The following ARHGEF9 variants were observed in gnomAD, a reference collection of about 807,000 sequenced individuals.
ARHGEF9 encodes the protein Cdc42 guanine nucleotide exchange factor 9.
A neutral mutation model predicts 41.3 loss-of-function variants in ARHGEF9; 2 were observed. The ratio of observed to expected loss-of-function variants is 0.05; its 90% confidence interval spans 0.02 to 0.15. The LOEUF is 0.15. ARHGEF9 is among the 10% of genes least tolerant of loss of function. The pLI is 1.00. For missense variants in ARHGEF9, 225 were observed against 424.7 expected (o/e 0.53, Z 4.13); for synonymous variants, 160 against 154.4 (o/e 1.04, Z -0.27).
rs190623890 is a variant in ARHGEF9 at position 63,780,674 on chromosome X, A to G, written c.30+4442T>C. On this transcript the variant is annotated intron_variant, in intron 1 of 9. Coordinates refer to ENST00000671741, the MANE Select transcript of ARHGEF9 (RefSeq NM_001353921.2). ...CTTTGGTTGGTCAAAGTTTAAAACAATTGTGGTTACTTTTAATAATATATA... is the reference window on the plus strand; with the variant it reads ...CTTTGGTTGGTCAAAGTTTAAAACAGTTGTGGTTACTTTTAATAATATATA... Among the ~76,000 whole-genome samples the G allele has an allele frequency of 2.7e-5, 3 of 112,278 alleles. No homozygotes were observed. The Admixed American group carries it at 2.8e-4, about 11-fold the overall frequency.
At chrX:63,647,036 A>G (rs1172120348) in intron 8 of ARHGEF9, among the ~76,000 whole-genome samples, 6 of 111,018 alleles carry the variant, frequency 5.4e-5, no homozygotes, top group South Asian at 3.8e-4. Flanking sequence ...CTGTTTGTCT[A>G]TTATTGGTGT....
intron 8 of ARHGEF9, among the ~76,000 whole-genome samples, chrX:63,650,699 G>T (rs1311891279): frequency 1.8e-5 from 2 of 110,635 alleles, no homozygotes; most frequent in African/African-American, 6.5e-5. Flanking sequence ...GATGAATATC[G>T]CAATTACCCT....
chrX:63,743,883 TG>T (rs1417573625), intron 1 of ARHGEF9, among the ~76,000 whole-genome samples: 1 of 111,680 alleles, frequency 9.0e-6, no homozygotes, highest in East Asian at 2.8e-4. Context: ...AAATGGAGCT[TG>T]GGATAAATAA....
chrX:63,691,602 G>T (rs1470979145), intron 4 of ARHGEF9, among the ~76,000 whole-genome samples: 1 of 110,925 alleles, frequency 9.0e-6, no homozygotes, highest in Non-Finnish European at 1.9e-5. Context: ...AATTAATATT[G>T]TTAAATTAAT....
intron 1 of ARHGEF9, among the ~76,000 whole-genome samples, chrX:63,778,285 C>T (rs1203256855): frequency 6.2e-5 from 7 of 112,237 alleles, no homozygotes; most frequent in African/African-American, 1.9e-4. Context: ...TTGAGCTCTA[C>T]GTTGGCCCCT....
intron 1 of ARHGEF9, among the ~76,000 whole-genome samples, chrX:63,752,013 GA>G (rs1171158540): frequency 9.0e-6 from 1 of 111,415 alleles, no homozygotes; most frequent in Non-Finnish European, 1.9e-5. Context: ...CCCCTTGGGG[GA>G]AAAAAAGTCA....
In ARHGEF9 at chrX:63,706,549, G is replaced by A. The variant is rs2052559241; in HGVS notation, c.211-100C>T. 8 of 974,995 alleles carry A rather than the reference G, an allele frequency of 8.2e-6. No homozygotes were observed. In the Admixed American group the frequency reaches 2.1e-4, roughly 26 times the overall value. The allele number at this position is 974,995 out of a possible 1,213,427, so 80.4% of individuals were successfully genotyped here. A position where few individuals can be genotyped will look rare whatever the true frequency, so the allele number is the denominator to read the frequency against. ...ATGAACTGAACTTCTCAGGTATTCA[G>A]AGAACCTTCAACCAGAGACCTGTGC... On this transcript the variant is annotated intron_variant, in intron 2 of 9. Coordinates refer to ENST00000671741, the MANE Select transcript of ARHGEF9 (RefSeq NM_001353921.2).
chrX:63,664,424 T>C (rs1414606994), intron 7 of ARHGEF9, among the ~76,000 whole-genome samples: 1 of 112,480 alleles, frequency 8.9e-6, no homozygotes, highest in Non-Finnish European at 1.9e-5. Context: ...TGCAGAACTA[T>C]AAAATAAGCC....
At chrX:63,710,427 A>C (rs1488519088) in intron 2 of ARHGEF9, among the ~76,000 whole-genome samples, 10 of 110,890 alleles carry the variant, frequency 9.0e-5, no homozygotes, top group African/African-American at 3.3e-4. Flanking sequence ...AGAAATCCTC[A>C]ATAAAATACT....
At chrX:63,750,889 T>A (rs1223336749) in intron 1 of ARHGEF9, among the ~76,000 whole-genome samples, 5 of 111,008 alleles carry the variant, frequency 4.5e-5, no homozygotes, top group African/African-American at 1.3e-4. Context: ...GAAATTGGGA[T>A]TCTGTTCTTT....
chrX:63,645,474 C>T (rs1390392639), intron 8 of ARHGEF9, among the ~76,000 whole-genome samples: 9 of 111,019 alleles, frequency 8.1e-5, no homozygotes, highest in Admixed American at 3.8e-4. Context: ...CGAGAACGTG[C>T]GGCGTTTGGT....
chrX:63,771,158 C>A (rs1463503124), intron 1 of ARHGEF9, among the ~76,000 whole-genome samples: 1 of 111,568 alleles, frequency 9.0e-6, no homozygotes, highest in African/African-American at 3.3e-5. Flanking sequence ...TGTTTGTTGA[C>A]CATTTGTATA....
Position 63,678,501 on chromosome X carries a change from C to T in ARHGEF9, c.654G>A (p.Leu218=). 8.3e-7 allele frequency: 1 copy of T among 1,205,694 alleles called. No homozygotes were observed. The highest frequency in any genetic ancestry group is 1.7e-5 in the African/African-American group (1 of 57,654). ...HLDACMELSK[L]MKDSRYQHFF... ...AGTGCTGGTAGCGGCTGTCCTTCATCAGTTTGGAGAGCTCCATGCAAGCAT... is the reference window on the plus strand; with the variant it reads ...AGTGCTGGTAGCGGCTGTCCTTCATTAGTTTGGAGAGCTCCATGCAAGCAT... Residue 218 remains leucine (L), a synonymous_variant, in exon 5 of 10, where the codon CTG becomes CTA. Transcript: ENST00000671741.
chrX:63,652,992 T>C (rs2048648312), intron 8 of ARHGEF9, among the ~76,000 whole-genome samples: 1 of 111,700 alleles, frequency 9.0e-6, no homozygotes, highest in South Asian at 3.8e-4. Flanking sequence ...CTAAATTTCC[T>C]GAGGCCTCCC....
intron 1 of ARHGEF9, among the ~76,000 whole-genome samples, chrX:63,776,691 A>G (rs2056298440): frequency 9.0e-6 from 1 of 111,521 alleles, no homozygotes; most frequent in Non-Finnish European, 1.9e-5. Context: ...GTAAAGCCTG[A>G]AACAATAGTG....
chrX:63,697,409 T>G (rs1336564559), intron 3 of ARHGEF9, 105 bp from the exon 4 acceptor site: 6 of 709,211 alleles, frequency 8.5e-6, no homozygotes, highest in Admixed American at 2.8e-5. Flanking sequence ...GAAGTAGGCA[T>G]GGAATAATTA....
chrX:63,713,768 G>T (rs1407861606), intron 2 of ARHGEF9, among the ~76,000 whole-genome samples: 1 of 109,420 alleles, frequency 9.1e-6, no homozygotes, highest in African/African-American at 3.3e-5. Context: ...CTTTCAGGAG[G>T]ATCAGAAGTG....
intron 2 of ARHGEF9, among the ~76,000 whole-genome samples, chrX:63,709,391 C>A (rs1160717532): frequency 1.8e-5 from 2 of 112,288 alleles, no homozygotes; most frequent in Admixed American, 9.4e-5. Flanking sequence ...ATGAGCAAGA[C>A]AACTCACTCC....
chrX:63,776,393 A>C (rs1273997148), intron 1 of ARHGEF9, among the ~76,000 whole-genome samples: 1 of 111,988 alleles, frequency 8.9e-6, no homozygotes, highest in Admixed American at 9.5e-5. Context: ...ACAATAAGCA[A>C]ATGAGTGGGC....
Sources: allele counts gnomAD v4.1 joint callset (sites outside exome capture counted in the v4.1 genomes callset), GRCh38; gene constraint gnomAD v4.1.1; transcripts MANE v1.5; gene names NCBI Gene and HGNC (gene_info 2026-07-23, HGNC 2026-07-21).